The following AREL1 variants were observed in gnomAD, a reference collection of about 807,000 sequenced individuals.
AREL1 encodes the protein apoptosis resistant E3 ubiquitin protein ligase 1, also known as apoptosis-resistant E3 ubiquitin protein ligase 1.
AREL1 carries 62 observed loss-of-function variants against 99.0 expected under a neutral mutation model. That is an observed-to-expected ratio of 0.63 (90% CI 0.51 to 0.77). AREL1 has a LOEUF of 0.77. Ranked by LOEUF, AREL1 falls within the 30% of genes least tolerant of loss-of-function variation. The pLI is 0.00. For missense variants in AREL1, 879 were observed against 1,027.6 expected, an observed-to-expected ratio of 0.86 and a Z score of 1.98; for synonymous variants, 380 against 376.5, an observed-to-expected ratio of 1.01 and a Z score of -0.11.
intron 5 of AREL1, among the ~76,000 whole-genome samples, chr14:74,682,066 G>A (rs1018894629): frequency 1.3e-5 from 2 of 152,192 alleles, no homozygotes; most frequent in East Asian, 3.8e-4. Context: ...GTAAGGGTAT[G>A]AGCTGTTCTC....
In AREL1 at chr14:74,669,714, C is replaced by T. The variant is rs765262467; in HGVS notation, c.1849G>A (p.Asp617Asn). 2.5e-6 allele frequency: 4 copies of T among 1,614,132 alleles called. No individual in the cohort carries two copies. The Admixed American group carries it at 5.0e-5, about 20-fold the overall frequency. ...KSKVCFILNN[D>N]MSEMELVFAE... ...AAGACCAGCTCCATCTCACTCATGTCATTGTTGAGGATAAAACAAACTTTA... is the reference window on the plus strand; with the variant it reads ...AAGACCAGCTCCATCTCACTCATGTTATTGTTGAGGATAAAACAAACTTTA... The change falls in exon 15 of 20, where the codon GAC (aspartate) becomes AAC (asparagine). Residue 617 changes from aspartate to asparagine, a missense_variant. Coordinates refer to ENST00000356357, the MANE Select transcript of AREL1 (RefSeq NM_001039479.2).
intron 2 of AREL1, among the ~76,000 whole-genome samples, chr14:74,689,934 G>A (rs139653930): frequency 9.5e-4 from 143 of 151,194 alleles, no homozygotes; most frequent in Admixed American, 2.0e-3. Context: ...TTTCATTTTA[G>A]AGTGGTAATG....
intron 5 of AREL1, among the ~76,000 whole-genome samples, chr14:74,682,673 T>C (rs1399241742): frequency 6.6e-6 from 1 of 152,178 alleles, no homozygotes; most frequent in African/African-American, 2.4e-5. Context: ...GATGGGGTCA[T>C]AGGGGAGGAT....
At position 74,681,325 on chromosome 14, in the gene AREL1, A is replaced by G. The variant is rs559250398; in HGVS notation, c.481+1971T>C. On this transcript the variant is annotated intron_variant, in intron 5 of 19. Coordinates refer to ENST00000356357, the MANE Select transcript of AREL1 (RefSeq NM_001039479.2). Reference sequence around the variant, plus strand: ...AAAGGAACCAACTACTGATACACTCAGTAACCTGGATGAATCTCCAGAAAA... The same window carrying G: ...AAAGGAACCAACTACTGATACACTCGGTAACCTGGATGAATCTCCAGAAAA... Among the ~76,000 whole-genome samples, 4 of 152,364 alleles carry G rather than the reference A, an allele frequency of 2.6e-5. No homozygotes were observed. The South Asian group carries it at 8.3e-4, about 32-fold the overall frequency.
At chr14:74,684,316 A>T in intron 4 of AREL1, 138 bp downstream of exon 4, 1 of 707,946 alleles carries the variant, frequency 1.4e-6, no homozygotes, top group Non-Finnish European at 2.3e-6. Context: ...GTGACTCTTC[A>T]GATAGTAGCA....
intron 2 of AREL1, among the ~76,000 whole-genome samples, chr14:74,689,506 A>C (rs1366709390): frequency 2.6e-5 from 4 of 151,952 alleles, no homozygotes; most frequent in East Asian, 3.9e-4. Flanking sequence ...CTCTCTCCAA[A>C]ATCTTCCCTA....
chr14:74,710,307 C>T (rs1428336174), intron 1 of AREL1, among the ~76,000 whole-genome samples: 1 of 152,178 alleles, frequency 6.6e-6, no homozygotes, highest in Non-Finnish European at 1.5e-5. Context: ...TATTAACAAT[C>T]AAGGAAATCA....
intron 1 of AREL1, among the ~76,000 whole-genome samples, chr14:74,708,856 C>T (rs1040458761): frequency 2.0e-5 from 3 of 152,158 alleles, no homozygotes; most frequent in Non-Finnish European, 4.4e-5. Context: ...TAAGTGAATA[C>T]CCATCTTTCT....
rs906324312 is a variant in AREL1 at position 74,700,758 on chromosome 14, C to T, written c.-333-8430G>A. Among the ~76,000 whole-genome samples the T allele has an allele frequency of 2.0e-5, 3 of 152,074 alleles. 1 individual carries two copies. Among genetic ancestry groups the T allele is most frequent in the South Asian group, 4.2e-4 (2 of 4,818 alleles). On this transcript the variant is annotated intron_variant, in intron 1 of 19. Coordinates refer to ENST00000356357, the MANE Select transcript of AREL1 (RefSeq NM_001039479.2). The stretch of plus-strand genomic sequence containing the variant: ...TCATGCTACTGCACTCCAGTCTGGG[C>T]GACAGAGCGAGAGTCCCTCTCAAAA...
In AREL1 at chr14:74,661,410, G is replaced by A. The variant is rs958426647; in HGVS notation, c.*2310C>T. On this transcript the variant is annotated 3_prime_UTR_variant, in exon 20 of 20. Transcript: ENST00000356357. The stretch of plus-strand genomic sequence containing the variant: ...GACACTCTCCTAGGTATTCACTCAT[G>A]TCTGGTCTCCTTCAAAGACGCTAAA... The A allele has an allele frequency of 2.3e-6, 1 of 442,224 alleles. No homozygotes were observed. The highest frequency in any genetic ancestry group is 4.5e-6 in the Non-Finnish European group (1 of 220,410). The allele number at this position is 442,224 out of a possible 1,614,324, so 27.4% of individuals were successfully genotyped here. A position where few individuals can be genotyped will look rare whatever the true frequency, so the allele number is the denominator to read the frequency against.
At chr14:74,696,342 G>A (rs537312001) in intron 1 of AREL1, among the ~76,000 whole-genome samples, 1 of 152,260 alleles carries the variant, frequency 6.6e-6, no homozygotes, top group South Asian at 2.1e-4. Flanking sequence ...TTTCAACTAT[G>A]ACTTGATGGC....
intron 1 of AREL1, among the ~76,000 whole-genome samples, chr14:74,707,881 C>T (rs2090214504): frequency 6.7e-6 from 1 of 149,994 alleles, no homozygotes; most frequent in Admixed American, 6.6e-5. Context: ...GGCGTGAACC[C>T]GGGAGGCGGA....
At chr14:74,690,463 T>C (rs1367209937) in intron 2 of AREL1, among the ~76,000 whole-genome samples, 3 of 152,196 alleles carry the variant, frequency 2.0e-5, no homozygotes, top group Non-Finnish European at 2.9e-5. Flanking sequence ...GAGCCAGGCG[T>C]TGTAAGTTCC....
rs1201099192 is a variant in AREL1, at chr14:74,712,967, C to T, written c.-368G>A. 1 of 729,792 alleles carries T rather than the reference C, an allele frequency of 1.4e-6. No individual in the cohort carries two copies. Among genetic ancestry groups the T allele is most frequent in the South Asian group, 1.5e-5 (1 of 67,580 alleles). 45.2% of individuals were successfully genotyped at this position (729,792 alleles called of 1,614,324 possible). On this transcript the variant is annotated 5_prime_UTR_variant, in exon 1 of 20. Transcript: ENST00000356357. ...GGGTTGCAGCGCGACGAAGTTCCAC[C>T]TCCGCTGTCCTGGGAAGGGGCGGCA...
rs80086627 is a variant in AREL1 at position 74,681,229 on chromosome 14, A to C, written c.481+2067T>G. On this transcript the variant is annotated intron_variant, in intron 5 of 19. Coordinates refer to ENST00000356357, the MANE Select transcript of AREL1 (RefSeq NM_001039479.2). ...CTATACCACGTTTGGAGAGAAAAAA[A>C]CCACAAAACCACACATCTGGTCCCA... Among the ~76,000 whole-genome samples, 933 of 152,156 alleles carry C rather than the reference A, an allele frequency of 6.1e-3. 8 individuals carry two copies. The highest frequency in any genetic ancestry group is 0.029 in the South Asian group (139 of 4,818).
At chr14:74,712,775 C>T (rs759077117) in intron 1 of AREL1, 158 bp downstream of exon 1, 3 of 351,266 alleles carry the variant, frequency 8.5e-6, no homozygotes, top group African/African-American at 6.4e-5. Flanking sequence ...CCATAGACAC[C>T]GGATACCCCA....
At position 74,684,652 on chromosome 14, in the gene AREL1, G is replaced by C. The variant is rs760551209; in HGVS notation, c.45C>G (p.Phe15Leu). 1 of 1,614,178 alleles carries C rather than the reference G, an allele frequency of 6.2e-7. No homozygotes were observed. Among genetic ancestry groups the C allele is most frequent in the African/African-American group, 1.3e-5 (1 of 75,054 alleles). ...CAAAGAGGAACTTAATTGTGAAGAA[G>C]AATGCAACCACAGACACTGTGATTC... ...IGGITVSVVA[F>L]FFTIKFLFEL... Residue 15 changes from phenylalanine (F) to leucine (L), a missense_variant, in exon 4 of 20, where the codon TTC (phenylalanine) becomes TTG (leucine). By Grantham distance (22) the Phe-to-Leu change is conservative (BLOSUM62 0). Coordinates refer to ENST00000356357, the MANE Select transcript of AREL1 (RefSeq NM_001039479.2).
At chr14:74,691,800 T>C (rs2089887768) in intron 2 of AREL1, among the ~76,000 whole-genome samples, 2 of 152,232 alleles carry the variant, frequency 1.3e-5, no homozygotes, top group Admixed American at 1.3e-4. Flanking sequence ...ATAAAGATTT[T>C]TAATTACAGT....
At chr14:74,708,815 T>C (rs866143665) in intron 1 of AREL1, among the ~76,000 whole-genome samples, 50 of 152,224 alleles carry the variant, frequency 3.3e-4, no homozygotes, top group Non-Finnish European at 2.6e-4. Flanking sequence ...ACAAAACATG[T>C]ATCTACCATG....
Sources: gnomAD v4.1 joint callset for allele counts (sites outside exome capture counted in the v4.1 genomes callset) on GRCh38, gnomAD v4.1.1 for gene constraint, MANE v1.5 for transcripts, NCBI Gene and HGNC (gene_info 2026-07-23, HGNC 2026-07-21) for gene names.